The following EPHA6 variants were observed in gnomAD, a reference collection of about 807,000 sequenced individuals.
EPHA6 encodes the protein ephrin type-A receptor 6.
A neutral mutation model predicts 112.0 loss-of-function variants in EPHA6; 50 were observed. The ratio of observed to expected loss-of-function variants is 0.45; its 90% confidence interval spans 0.36 to 0.56. The LOEUF is 0.56. EPHA6 is among the 20% of genes least tolerant of loss of function. EPHA6 has a pLI of 0.00. For missense variants in EPHA6, 1,280 were observed against 1,417.4 expected, an observed-to-expected ratio of 0.90 and a Z score of 1.56; for synonymous variants, 529 against 490.7, an observed-to-expected ratio of 1.08 and a Z score of -1.03.
intron 3 of EPHA6, among the ~76,000 whole-genome samples, chr3:97,135,305 C>T (rs542897860): frequency 7.9e-5 from 12 of 152,058 alleles, no homozygotes; most frequent in Non-Finnish European, 1.5e-4. Flanking sequence ...TCATAAATTT[C>T]GGCTCCAGTT....
intron 14 of EPHA6, among the ~76,000 whole-genome samples, chr3:97,669,134 T>C (rs895873776): frequency 6.6e-6 from 1 of 151,938 alleles, no homozygotes; most frequent in Admixed American, 6.6e-5. Flanking sequence ...GTACACTAAC[T>C]GTAGGCTCTG....
chr3:97,718,211 C>A (rs1453391081), intron 14 of EPHA6, among the ~76,000 whole-genome samples: 1 of 152,202 alleles, frequency 6.6e-6, no homozygotes, highest in African/African-American at 2.4e-5. Context: ...GACTGAGGCA[C>A]TTTAGTCACA....
intron 14 of EPHA6, among the ~76,000 whole-genome samples, chr3:97,712,937 C>A (rs1264915873): frequency 6.6e-6 from 1 of 152,106 alleles, no homozygotes; most frequent in Non-Finnish European, 1.5e-5. Flanking sequence ...AAGTAGAAAA[C>A]AAAGCTGATG....
intron 5 of EPHA6, among the ~76,000 whole-genome samples, chr3:97,387,204 C>T (rs756754008): frequency 1.3e-5 from 2 of 152,170 alleles, no homozygotes; most frequent in African/African-American, 4.8e-5. Context: ...ATGCAAATTT[C>T]TGCAGCTAGC....
intron 5 of EPHA6, among the ~76,000 whole-genome samples, chr3:97,341,959 G>A (rs1559903142): frequency 6.6e-6 from 1 of 152,126 alleles, no homozygotes; most frequent in Non-Finnish European, 1.5e-5. Flanking sequence ...ACAAAAAAAT[G>A]TAGACATATA....
intron 2 of EPHA6, among the ~76,000 whole-genome samples, chr3:96,883,707 CA>C (rs1202088453): frequency 6.6e-6 from 1 of 151,998 alleles, no homozygotes; most frequent in Non-Finnish European, 1.5e-5. Flanking sequence ...ACTCTGTCAC[CA>C]AGGCTGGAGT....
chr3:97,231,309 C>G (rs2078518213), intron 4 of EPHA6, among the ~76,000 whole-genome samples: 2 of 152,144 alleles, frequency 1.3e-5, no homozygotes, highest in Non-Finnish European at 2.9e-5. Flanking sequence ...TAAGAGCTTA[C>G]TTACTTTGTT....
chr3:96,919,329 G>C (rs2039643925), intron 2 of EPHA6, among the ~76,000 whole-genome samples: 1 of 151,768 alleles, frequency 6.6e-6, no homozygotes, highest in African/African-American at 2.4e-5. Context: ...AAATCACATA[G>C]ATTTAAGTTT....
intron 14 of EPHA6, among the ~76,000 whole-genome samples, chr3:97,675,426 G>A (rs2031274410): frequency 6.6e-6 from 1 of 152,176 alleles, no homozygotes; most frequent in Non-Finnish European, 1.5e-5. Context: ...GTTGCAGTGA[G>A]CAGAGATCTT....
At position 97,205,945 on chromosome 3, in the gene EPHA6, T is replaced by C. The variant is rs2077703982; in HGVS notation, c.1115-20319T>C. On this transcript the variant is annotated intron_variant, in intron 3 of 17. Transcript: ENST00000389672. ...AGAATAAATTCAGACTTACAGGAGT[T>C]AAATAACTTACATAAGGAAATATAT... Among the ~76,000 whole-genome samples the C allele has an allele frequency of 2.6e-5, 4 of 152,194 alleles. No homozygotes were observed. The South Asian group carries it at 6.2e-4, about 24-fold the overall frequency.
intron 6 of EPHA6, among the ~76,000 whole-genome samples, chr3:97,423,360 G>T (rs780176096): frequency 1.1e-4 from 17 of 152,062 alleles, no homozygotes; most frequent in Non-Finnish European, 2.4e-4. Flanking sequence ...CATGAACATT[G>T]TCCAAGATGA....
intron 13 of EPHA6, among the ~76,000 whole-genome samples, chr3:97,634,801 T>C (rs1360823542): frequency 6.6e-6 from 1 of 152,114 alleles, no homozygotes; most frequent in Non-Finnish European, 1.5e-5. Context: ...GGCACTGAAC[T>C]GTAACCTGCT....
chr3:97,544,655 C>T (rs931392674), intron 11 of EPHA6, among the ~76,000 whole-genome samples: 24 of 152,166 alleles, frequency 1.6e-4, no homozygotes, highest in Admixed American at 1.6e-3. Flanking sequence ...AGAATAGTTT[C>T]AGAAGGAATG....
intron 3 of EPHA6, among the ~76,000 whole-genome samples, chr3:97,224,663 G>A (rs1023982689): frequency 3.4e-4 from 51 of 151,908 alleles, no homozygotes; most frequent in Non-Finnish European, 5.9e-4. Context: ...TGGTTCTATG[G>A]CATACATATT....
rs1259277621 is a variant in EPHA6 at position 97,359,201 on chromosome 3, A to G, written c.1607-45949A>G. Among the ~76,000 whole-genome samples, 2 of 151,854 alleles carry G rather than the reference A, an allele frequency of 1.3e-5. 1 individual carries two copies. The highest frequency in any genetic ancestry group is 2.9e-5 in the Non-Finnish European group (2 of 67,978). The stretch of plus-strand genomic sequence containing the variant: ...TACATTGCATATACTGATCTGCTTC[A>G]TGGTGTCACAGTTTGCTTAGGTTCT... On this transcript the variant is annotated intron_variant, in intron 5 of 17. Coordinates refer to ENST00000389672, the MANE Select transcript of EPHA6 (RefSeq NM_001080448.3).
At chr3:96,856,923 C>T (rs976486561) in intron 1 of EPHA6, among the ~76,000 whole-genome samples, 1 of 152,046 alleles carries the variant, frequency 6.6e-6, no homozygotes, top group African/African-American at 2.4e-5. Context: ...GAACCAGTCT[C>T]CTAAAATATG....
chr3:97,273,846 G>C, intron 5 of EPHA6, among the ~76,000 whole-genome samples: 1 of 152,158 alleles, frequency 6.6e-6, no homozygotes, highest in East Asian at 1.9e-4. Context: ...GACCCTGTAG[G>C]AAAGGCCTCT....
chr3:97,018,885 G>A (rs921440290), intron 3 of EPHA6, among the ~76,000 whole-genome samples: 6 of 152,106 alleles, frequency 3.9e-5, no homozygotes, highest in African/African-American at 1.2e-4. Flanking sequence ...ACCACGGTCC[G>A]CCTGGCAACG....
At chr3:97,648,044 A>C (rs1364838280) in intron 14 of EPHA6, among the ~76,000 whole-genome samples, 1 of 152,172 alleles carries the variant, frequency 6.6e-6, no homozygotes, top group African/African-American at 2.4e-5. Context: ...TATTTTGAAG[A>C]TCAAAGCAAA....
Sources: allele counts gnomAD v4.1 joint callset (sites outside exome capture counted in the v4.1 genomes callset), GRCh38; gene constraint gnomAD v4.1.1; transcripts MANE v1.5; gene names NCBI Gene and HGNC (gene_info 2026-07-23, HGNC 2026-07-21).